The following ARB2A variants were observed in gnomAD, a reference collection of about 807,000 sequenced individuals.
The protein encoded by ARB2A is cotranscriptional regulator ARB2A.
the ARB2A span, among the ~76,000 whole-genome samples, chr5:93,771,524 C>A: frequency 3.3e-5 from 5 of 151,874 alleles, no homozygotes; most frequent in Non-Finnish European, 7.4e-5. Flanking sequence ...AGGCAACCTA[C>A]AAAATGGGAG....
chr5:93,731,287 T>A, the ARB2A span, among the ~76,000 whole-genome samples: 1 of 151,992 alleles, frequency 6.6e-6, no homozygotes, highest in Non-Finnish European at 1.5e-5. Context: ...TAATGCAATA[T>A]CACTCACAAA....
the ARB2A span, among the ~76,000 whole-genome samples, chr5:93,636,250 A>G: frequency 6.6e-6 from 1 of 152,222 alleles, no homozygotes; most frequent in Non-Finnish European, 1.5e-5. Context: ...CAGTCAGTTA[A>G]TGATTTGGAA....
chr5:93,854,574 C>T, the ARB2A span, among the ~76,000 whole-genome samples: 1 of 152,200 alleles, frequency 6.6e-6, no homozygotes, highest in East Asian at 1.9e-4. Context: ...ATCTTTCCTG[C>T]TTTCTCTTCT....
At chr5:93,792,675 G>C in the ARB2A span, among the ~76,000 whole-genome samples, 24 of 140,152 alleles carry the variant, frequency 1.7e-4, 1 homozygote, top group South Asian at 5.8e-3. Flanking sequence ...CACAGGAAGG[G>C]GAACATCACA....
the ARB2A span, among the ~76,000 whole-genome samples, chr5:93,830,311 G>GTGTATGTGTGTGTGTGTA: frequency 2.4e-5 from 2 of 82,258 alleles, no homozygotes; most frequent in Non-Finnish European, 4.8e-5. Flanking sequence ...GTGTGTGTGT[G>GTGTATGTGTGTGTGTGTA]TATATATATA....
the ARB2A span, among the ~76,000 whole-genome samples, chr5:93,818,178 A>G: frequency 6.6e-6 from 1 of 152,094 alleles, no homozygotes; most frequent in Non-Finnish European, 1.5e-5. Context: ...TAATATAAAA[A>G]AAGACAGATA....
the ARB2A span, among the ~76,000 whole-genome samples, chr5:93,936,204 A>G: frequency 6.6e-6 from 1 of 152,174 alleles, no homozygotes; most frequent in East Asian, 1.9e-4. Flanking sequence ...TCAAAACTAC[A>G]GAATATTACA....
At chr5:93,966,072 T>C in the ARB2A span, among the ~76,000 whole-genome samples, 5 of 152,084 alleles carry the variant, frequency 3.3e-5, no homozygotes, top group African/African-American at 1.2e-4. Flanking sequence ...GTAGTGGTAC[T>C]GTAGACTTAT....
At chr5:93,903,872 C>T in the ARB2A span, among the ~76,000 whole-genome samples, 1 of 151,866 alleles carries the variant, frequency 6.6e-6, no homozygotes, top group South Asian at 2.1e-4. Context: ...GATTAGTTCA[C>T]TGATTTCAAA....
At chr5:93,853,024 T>C in the ARB2A span, among the ~76,000 whole-genome samples, 11 of 152,228 alleles carry the variant, frequency 7.2e-5, no homozygotes, top group African/African-American at 2.2e-4. Context: ...GGGGATGGCA[T>C]TGGATCTATA....
chr5:93,685,187 T>C, the ARB2A span, among the ~76,000 whole-genome samples: 1 of 152,216 alleles, frequency 6.6e-6, no homozygotes, highest in Non-Finnish European at 1.5e-5. Flanking sequence ...ATATGTTTTC[T>C]AATTTATTTT....
chr5:93,772,578 A>C, the ARB2A span, among the ~76,000 whole-genome samples: 1 of 152,178 alleles, frequency 6.6e-6, no homozygotes, highest in African/African-American at 2.4e-5. Context: ...TTATCATCTC[A>C]CAGTTTTTGT....
chr5:94,049,445 C>G, the ARB2A span, among the ~76,000 whole-genome samples: 2 of 152,230 alleles, frequency 1.3e-5, no homozygotes, highest in African/African-American at 4.8e-5. Flanking sequence ...CACCTGTAAT[C>G]CCAGTACTCT....
the ARB2A span, chr5:93,740,290 A>T: frequency 3.7e-5 from 11 of 299,226 alleles, no homozygotes; most frequent in Non-Finnish European, 5.6e-5. Flanking sequence ...AATATTTAAT[A>T]AAAAAAGGAA....
At chr5:94,020,368 T>C in the ARB2A span, among the ~76,000 whole-genome samples, 2 of 152,230 alleles carry the variant, frequency 1.3e-5, no homozygotes, top group East Asian at 3.9e-4. Context: ...GGCACATGTA[T>C]ACCTATGTAA....
At chr5:93,879,306 A>G in the ARB2A span, among the ~76,000 whole-genome samples, 7 of 152,036 alleles carry the variant, frequency 4.6e-5, no homozygotes, top group Non-Finnish European at 1.0e-4. Flanking sequence ...CTATTTTGCA[A>G]AATTCCAGAA....
At chr5:93,907,922 T>C in the ARB2A span, among the ~76,000 whole-genome samples, 1 of 151,284 alleles carries the variant, frequency 6.6e-6, no homozygotes, top group African/African-American at 2.4e-5. Context: ...TCGAAAGACA[T>C]AACAACATTG....
At chr5:94,004,221 A>C in the ARB2A span, among the ~76,000 whole-genome samples, 3 of 152,214 alleles carry the variant, frequency 2.0e-5, no homozygotes, top group Non-Finnish European at 1.5e-5. Flanking sequence ...GTAAACTATA[A>C]AACTTCTAGA....
chr5:93,796,858 T>C, the ARB2A span, among the ~76,000 whole-genome samples: 4 of 152,210 alleles, frequency 2.6e-5, no homozygotes, highest in Admixed American at 6.5e-5. Context: ...AAAGGTTTAT[T>C]TGAGATAGGA....
Sources: gnomAD v4.1 joint callset for allele counts (sites outside exome capture counted in the v4.1 genomes callset) on GRCh38, gnomAD v4.1.1 for gene constraint, MANE v1.5 for transcripts, NCBI Gene and HGNC (gene_info 2026-07-23, HGNC 2026-07-21) for gene names.